Variants in INPP4A observed in about 807,000 individuals in gnomAD.
INPP4A encodes the protein inositol polyphosphate-4-phosphatase type I A.
In INPP4A, 33 loss-of-function variants were observed where a neutral mutation model predicts 119.8. The ratio of observed to expected loss-of-function variants is 0.28; its 90% CI spans 0.21 to 0.37. The LOEUF is 0.37. Ranked by LOEUF, INPP4A falls within the 10% of genes least tolerant of loss-of-function variation. The pLI is 1.00. For synonymous variants in INPP4A, 496 were observed against 500.7 expected, an observed-to-expected ratio of 0.99 and a Z score of 0.12; for missense variants, 956 against 1,289.9, an observed-to-expected ratio of 0.74 and a Z score of 3.97.
chr2:98,531,892 A>G (rs1466666036), intron 4 of INPP4A, among the ~76,000 whole-genome samples: 1 of 152,252 alleles, frequency 6.6e-6, no homozygotes, highest in African/African-American at 2.4e-5. Context: ...TGAAAATTCA[A>G]AGACATAAGA....
chr2:98,450,469 C>T (rs1695030141), intron 1 of INPP4A, among the ~76,000 whole-genome samples: 1 of 152,176 alleles, frequency 6.6e-6, no homozygotes, highest in African/African-American at 2.4e-5. Context: ...TATTTTATCC[C>T]TAGAACTATT....
At chr2:98,467,818 C>T (rs564763966) in intron 1 of INPP4A, among the ~76,000 whole-genome samples, 1 of 152,070 alleles carries the variant, frequency 6.6e-6, no homozygotes, top group African/African-American at 2.4e-5. Context: ...AGATAATTAT[C>T]TATTATCTAA....
intron 16 of INPP4A, 153 bp downstream of exon 16, chr2:98,555,961 C>G (rs1694421022): frequency 1.1e-6 from 1 of 877,468 alleles, no homozygotes; most frequent in Non-Finnish European, 1.7e-6. Context: ...CATGGAGCAG[C>G]AGGCAGTGAG....
chr2:98,536,334 G>A, intron 7 of INPP4A, 126 bp downstream of exon 7: 3 of 661,956 alleles, frequency 4.5e-6, no homozygotes, highest in Non-Finnish European at 8.3e-6. Context: ...TCAGCGTGGG[G>A]ACACTGTGTT....
Position 98,520,016 on chromosome 2 carries a change from A to G in INPP4A, c.-33A>G. ...CGGGTAATCAGGCGTGGTCTGACCG[A>G]GGATCAAGAAGCACATCATCACCAA... On this transcript the variant is annotated 5_prime_UTR_variant, in exon 3 of 25. Transcript: ENST00000409851. The G allele has an allele frequency of 6.5e-7, 1 of 1,532,984 alleles. No individual in the cohort carries two copies. The highest frequency in any genetic ancestry group is 1.2e-5 in the South Asian group (1 of 83,894). The allele number at this position is 1,532,984 out of a possible 1,614,324, so 95.0% of individuals were successfully genotyped here.
In INPP4A at chr2:98,567,315, G is replaced by A. The variant is rs560277732; in HGVS notation, c.2420+1146G>A. 3.3e-4 allele frequency among the ~76,000 whole-genome samples: 51 copies of A among 152,260 alleles called. No individual in the cohort carries two copies. The South Asian group carries it at 6.0e-3, about 18-fold the overall frequency. On this transcript the variant is annotated intron_variant, in intron 21 of 24. Coordinates refer to ENST00000409851, the MANE Select transcript of INPP4A (RefSeq NM_001134225.2). ...AGTGGGGTTGGGGCTGGGGCTGAGT[G>A]GGAGGAGAGTACACCAGACAGACCC...
chr2:98,564,604 C>T, intron 18 of INPP4A, 36 bp from the exon 19 acceptor site: 1 of 1,611,648 alleles, frequency 6.2e-7, no homozygotes, highest in Non-Finnish European at 8.5e-7. Flanking sequence ...TGAGCAGGCA[C>T]CTGACCCTGA....
intron 1 of INPP4A, among the ~76,000 whole-genome samples, chr2:98,515,990 A>G (rs1022868978): frequency 1.3e-5 from 2 of 152,152 alleles, no homozygotes; most frequent in Non-Finnish European, 2.9e-5. Flanking sequence ...TGCTCACTTC[A>G]TGGGTTATTG....
intron 1 of INPP4A, among the ~76,000 whole-genome samples, chr2:98,494,526 G>A (rs1033963495): frequency 6.6e-6 from 1 of 152,028 alleles, no homozygotes; most frequent in African/African-American, 2.4e-5. Context: ...TTCCCAAGTA[G>A]GAGAGGTAGG....
At chr2:98,529,588 T>G (rs538347428) in intron 4 of INPP4A, among the ~76,000 whole-genome samples, 1 of 152,002 alleles carries the variant, frequency 6.6e-6, no homozygotes, top group African/African-American at 2.4e-5. Context: ...TACAAAAAAT[T>G]AGCTGGGCGT....
chr2:98,584,993 C>T (rs1406843504), intron 24 of INPP4A, among the ~76,000 whole-genome samples: 1 of 152,180 alleles, frequency 6.6e-6, no homozygotes, highest in Non-Finnish European at 1.5e-5. Context: ...TGTAGTAGTG[C>T]TGAGGCATTG....
At chr2:98,556,145 A>T (rs1457796134) in intron 16 of INPP4A, 2 of 298,026 alleles carry the variant, frequency 6.7e-6, no homozygotes, top group Non-Finnish European at 1.3e-5. Context: ...GCCAGGATGC[A>T]GATGCCTTTC....
At chr2:98,458,886 G>A (rs1021983571) in intron 1 of INPP4A, among the ~76,000 whole-genome samples, 2 of 152,138 alleles carry the variant, frequency 1.3e-5, no homozygotes, top group African/African-American at 2.4e-5. Context: ...CAGCGGAGGC[G>A]AAGTTCTCAA....
chr2:98,553,919 TC>T (rs1479847170), intron 14 of INPP4A, among the ~76,000 whole-genome samples: 1 of 152,224 alleles, frequency 6.6e-6, no homozygotes, highest in African/African-American at 2.4e-5. Context: ...GGACACTTGT[TC>T]CCTGGAAGGT....
At chr2:98,539,040 C>A in intron 9 of INPP4A, 59 bp downstream of exon 9, 1 of 991,374 alleles carries the variant, frequency 1.0e-6, no homozygotes, top group Non-Finnish European at 1.5e-6. Flanking sequence ...CTTGGGCCCG[C>A]AGTCCCCTTT....
chr2:98,559,959 T>A (rs1695168833), intron 17 of INPP4A, among the ~76,000 whole-genome samples: 1 of 152,242 alleles, frequency 6.6e-6, no homozygotes, highest in Admixed American at 6.5e-5. Context: ...CTGAGCTAAA[T>A]CTTGTCCACA....
chr2:98,490,535 G>A lies in INPP4A; in HGVS notation c.-165-28429G>A, dbSNP rs149316608. On this transcript the variant is annotated intron_variant, in intron 1 of 24. Coordinates refer to ENST00000409851, the MANE Select transcript of INPP4A (RefSeq NM_001134225.2). Reference sequence around the variant, plus strand: ...ATGGTTATATATGGAGATGGAACCCGGGGTTTCAGGTGAGGGAGTTTGACA... The same window carrying A: ...ATGGTTATATATGGAGATGGAACCCAGGGTTTCAGGTGAGGGAGTTTGACA... 7.8e-4 allele frequency among the ~76,000 whole-genome samples: 119 copies of A among 152,224 alleles called. 2 individuals carry two copies. The East Asian group carries it at 0.01, about 13-fold the overall frequency.
At chr2:98,579,602 G>A (rs572249627) in intron 24 of INPP4A, among the ~76,000 whole-genome samples, 21 of 152,360 alleles carry the variant, frequency 1.4e-4, no homozygotes, top group African/African-American at 4.6e-4. Flanking sequence ...CATGCCGGGC[G>A]CTGTCTTTCC....
intron 1 of INPP4A, among the ~76,000 whole-genome samples, chr2:98,479,241 G>C (rs1360684321): frequency 6.6e-6 from 1 of 152,136 alleles, no homozygotes; most frequent in Non-Finnish European, 1.5e-5. Context: ...GAAGTGTGGG[G>C]AGGTGCTCCT....
Sources: gnomAD v4.1 joint callset for allele counts (sites outside exome capture counted in the v4.1 genomes callset) on GRCh38, gnomAD v4.1.1 for gene constraint, MANE v1.5 for transcripts, NCBI Gene and HGNC (gene_info 2026-07-23, HGNC 2026-07-21) for gene names.